The following ABCG5 variants were observed in gnomAD, a reference collection of about 807,000 sequenced individuals.
ABCG5 encodes ATP-binding cassette sub-family G member 5.
Under a neutral mutation model 64.5 loss-of-function variants are expected in ABCG5, and 64 were observed. The ratio of observed to expected loss-of-function variants is 0.99; its 90% CI spans 0.81 to 1.22. The LOEUF (loss-of-function observed/expected upper bound fraction) is 1.22, where lower values mean the gene tolerates loss of function less well. ABCG5 is among the 50% of genes most tolerant of loss of function. The pLI, the probability that ABCG5 is intolerant of heterozygous loss-of-function variation, is 0.00. For synonymous variants in ABCG5, 385 were observed against 326.3 expected (o/e 1.18, Z -1.94); for missense variants, 908 against 829.5 (o/e 1.09, Z -1.16).
intron 11 of ABCG5, among the ~76,000 whole-genome samples, chr2:43,818,843 C>A (rs1031033121): frequency 2.6e-5 from 4 of 152,098 alleles, no homozygotes; most frequent in Non-Finnish European, 4.4e-5. Context: ...TTCTCATGAT[C>A]CCTTGAGGCA....
downstream of ABCG5, among the ~76,000 whole-genome samples, chr2:43,810,757 A>C (rs946107164): frequency 6.6e-6 from 1 of 152,210 alleles, no homozygotes. Flanking sequence ...TTTCCAAGGA[A>C]CCTCAGTCTT....
chr2:43,825,651 C>T (rs1215142612), intron 6 of ABCG5, among the ~76,000 whole-genome samples: 1 of 152,150 alleles, frequency 6.6e-6, no homozygotes, highest in Non-Finnish European at 1.5e-5. Flanking sequence ...CTCACTCTGT[C>T]ACCCAGGCTG....
At chr2:43,836,765 A>T (rs1448156140) in intron 2 of ABCG5, among the ~76,000 whole-genome samples, 1 of 152,206 alleles carries the variant, frequency 6.6e-6, no homozygotes, top group Admixed American at 6.5e-5. Context: ...GAGAAGGATG[A>T]TGTGGAGAAC....
At chr2:43,825,607 A>ATTG (rs796263854) in intron 6 of ABCG5, among the ~76,000 whole-genome samples, 46 of 132,020 alleles carry the variant, frequency 3.5e-4, no homozygotes, top group African/African-American at 9.8e-4. Context: ...TTTTGTTGTT[A>ATTG]TTGTTGTTGT....
In ABCG5 at chr2:43,838,735, T is replaced by G. The variant is rs1668444868; in HGVS notation, c.-56A>C. The G allele has an allele frequency of 6.3e-7, 1 of 1,596,116 alleles. No homozygotes were observed. Among genetic ancestry groups the G allele is most frequent in the Non-Finnish European group, 8.5e-7 (1 of 1,172,292 alleles). On this transcript the variant is annotated 5_prime_UTR_variant, in exon 1 of 13. Coordinates refer to ENST00000405322, the MANE Select transcript of ABCG5 (RefSeq NM_022436.3). The surrounding 1 kb of genome is among the most constrained non-coding windows in gnomAD (Gnocchi z 4.2). ...TCTGGTGGCCGGACCCTCCCCAGAG[T>G]GGCTTCAGTTGGGGAGCCCGTGGCA... is the stretch of plus-strand genomic sequence containing the variant.
rs768541576 is a variant in ABCG5 at position 43,837,885 on chromosome 2, C to T, written c.214G>A (p.Val72Ile). ...QQWTRQILKDVSLYVESGQIM... is the reference protein window; with the variant it reads ...QQWTRQILKDISLYVESGQIM... ...TGCCCGCTCTCCACGTACAAGGAGA[C>T]ATCTTTGAGGATCTGCCTGGTCCAC... The change falls in exon 2 of 13, where the codon GTC becomes ATC. Residue 72 changes from valine to isoleucine, a missense_variant. By Grantham distance (29) the Val-to-Ile change is conservative. Transcript: ENST00000405322. 5.6e-6 allele frequency: 9 copies of T among 1,614,172 alleles called. No individual in the cohort carries two copies. Among genetic ancestry groups the T allele is most frequent in the South Asian group, 5.5e-5 (5 of 91,082 alleles).
At chr2:43,815,517 G>T (rs1186228081) in intron 11 of ABCG5, among the ~76,000 whole-genome samples, 1 of 152,154 alleles carries the variant, frequency 6.6e-6, no homozygotes, top group African/African-American at 2.4e-5. Flanking sequence ...TCACCTATTT[G>T]CAAGGTGTCC....
At chr2:43,811,892 C>T (rs1314719830), downstream of ABCG5, among the ~76,000 whole-genome samples, 1 of 152,134 alleles carries the variant, frequency 6.6e-6, no homozygotes, top group African/African-American at 2.4e-5. Flanking sequence ...CCGCGCCTGG[C>T]CAGAACCCAT....
In ABCG5 at chr2:43,831,771, T is replaced by G; in HGVS notation, c.499A>C (p.Lys167Gln). ...RRGNPGSFQK[K>Q]VEAVMAELSL... ...TGTGAGCGGGGGGCTGCACCCACCT[T>G]CTTCTGGAAGGAGCCGGGATTGCCG... Residue 167 changes from lysine to glutamine, a missense_variant and splice_region_variant, in exon 4 of 13, where the codon AAG becomes CAG. By Grantham distance (53) the Lys-to-Gln change is moderately conservative (BLOSUM62 1). Transcript: ENST00000405322. 6.3e-7 allele frequency: 1 copy of G among 1,578,366 alleles called. No homozygotes were observed. Among genetic ancestry groups the G allele is most frequent in the South Asian group, 1.2e-5 (1 of 85,816 alleles).
downstream of ABCG5, chr2:43,810,090 T>C: frequency 1.8e-6 from 1 of 560,886 alleles, no homozygotes; most frequent in Non-Finnish European, 2.3e-6. Context: ...AGTAAGAGTA[T>C]TTGGTTACAG....
chr2:43,820,992 A>T (rs941029009), intron 10 of ABCG5, among the ~76,000 whole-genome samples: 1 of 151,940 alleles, frequency 6.6e-6, no homozygotes, highest in Non-Finnish European at 1.5e-5. Context: ...CCCTATATCC[A>T]TGCACCTTTC....
intron 2 of ABCG5, among the ~76,000 whole-genome samples, chr2:43,833,805 C>T (rs1303224397): frequency 6.6e-6 from 1 of 152,208 alleles, no homozygotes; most frequent in Non-Finnish European, 1.5e-5. Flanking sequence ...TTGCCTCAGT[C>T]TCCCGAATAG....
At position 43,837,744 on chromosome 2, in the gene ABCG5, G is replaced by T; in HGVS notation, c.265+90C>A. On this transcript the variant is annotated intron_variant, in intron 2 of 12. Coordinates refer to ENST00000405322, the MANE Select transcript of ABCG5 (RefSeq NM_022436.3). ...TAGAATTCATTCTAATATCAAACCTGTGGCTTTCTTGTTACAACTTAATCT... is the reference window on the plus strand; with the variant it reads ...TAGAATTCATTCTAATATCAAACCTTTGGCTTTCTTGTTACAACTTAATCT... 4 of 1,558,998 alleles carry T rather than the reference G, an allele frequency of 2.6e-6. No homozygotes were observed. The South Asian group carries it at 3.4e-5, about 13-fold the overall frequency.
At chr2:43,830,158 T>C (rs1667875162) in intron 4 of ABCG5, among the ~76,000 whole-genome samples, 1 of 152,116 alleles carries the variant, frequency 6.6e-6, no homozygotes, top group African/African-American at 2.4e-5. Context: ...AGAGAAGACA[T>C]TTACTTAATT....
downstream of ABCG5, among the ~76,000 whole-genome samples, chr2:43,808,529 A>T (rs1389891992): frequency 6.6e-6 from 1 of 152,230 alleles, no homozygotes; most frequent in African/African-American, 2.4e-5. Context: ...ACATTGAACA[A>T]CATGTAGGAG....
chr2:43,826,599 G>C, intron 5 of ABCG5, 78 bp from the exon 6 acceptor site: 2 of 1,597,290 alleles, frequency 1.3e-6, no homozygotes, highest in African/African-American at 1.3e-5. Context: ...GTTCTGAACT[G>C]TTCCTTATTG....
intron 2 of ABCG5, among the ~76,000 whole-genome samples, chr2:43,835,862 T>C (rs1668229057): frequency 6.6e-6 from 1 of 152,156 alleles, no homozygotes; most frequent in Non-Finnish European, 1.5e-5. Flanking sequence ...AGAAAAAAAT[T>C]TCTGCTTTTT....
downstream of ABCG5, among the ~76,000 whole-genome samples, chr2:43,811,047 G>GT (rs1245515611): frequency 6.6e-6 from 1 of 152,152 alleles, no homozygotes; most frequent in Non-Finnish European, 1.5e-5. Flanking sequence ...TTTTCCAAAT[G>GT]TTTCTGAGCT....
chr2:43,826,337 G>A (rs1468501737), intron 6 of ABCG5, 45 bp downstream of exon 6: 8 of 1,612,654 alleles, frequency 5.0e-6, no homozygotes, highest in Non-Finnish European at 1.7e-6. Context: ...GTGATTCCCA[G>A]CTCAACACAC....
Sources: gnomAD v4.1 joint callset for allele counts (sites outside exome capture counted in the v4.1 genomes callset) on GRCh38, gnomAD v4.1.1 for gene constraint, Gnocchi (gnomAD v3.1) non-coding constraint, MANE v1.5 for transcripts, NCBI Gene and HGNC (gene_info 2026-07-23, HGNC 2026-07-21) for gene names.